The following NACC2 variants were observed in gnomAD, a reference collection of about 807,000 sequenced individuals.
NACC2 encodes nucleus accumbens-associated protein 2.
Under a neutral mutation model 25.1 loss-of-function variants are expected in NACC2, and 8 were observed. That is an observed-to-expected ratio of 0.32 (90% CI 0.19 to 0.57). The LOEUF (loss-of-function observed/expected upper bound fraction) is 0.57. Among genes scored for constraint, NACC2 ranks in the 20% least tolerant of loss-of-function variants. The pLI is 0.89. For synonymous variants in NACC2, 435 were observed against 294.7 expected, an observed-to-expected ratio of 1.48 and a Z score of -4.88; for missense variants, 644 against 650.2, an observed-to-expected ratio of 0.99 and a Z score of 0.10.
rs1840085281 is a variant in NACC2, at chr9:136,010,354, CT to C, written c.*1161del. On this transcript the variant is annotated 3_prime_UTR_variant, in exon 6 of 6. Transcript: ENST00000277554. This position sits in a 1 kb window ranked among gnomAD's most constrained non-coding sequence, Gnocchi z 4.9. ...AGCACCGGGAGGACCGACTCTCGCC[CT>C]GGCCCAGCCCTGGCCGCTGCCTCCT... is the stretch of plus-strand genomic sequence containing the variant. The C allele has an allele frequency of 6.5e-6, 1 of 153,430 alleles. No homozygotes were observed. Among genetic ancestry groups the C allele is most frequent in the South Asian group, 2.1e-4 (1 of 4,874 alleles). 9.5% of individuals were successfully genotyped at this position (153,430 alleles called of 1,614,324 possible).
At chr9:136,049,530 C>A (rs1018244939) in intron 2 of NACC2, 106 bp downstream of exon 2, 3 of 629,024 alleles carry the variant, frequency 4.8e-6, no homozygotes, top group Admixed American at 5.2e-5. Context: ...GGGGGCTCCC[C>A]TGTGGCCCCG....
At chr9:136,080,602 C>T (rs1157686377) in intron 1 of NACC2, among the ~76,000 whole-genome samples, 2 of 152,050 alleles carry the variant, frequency 1.3e-5, no homozygotes, top group East Asian at 1.9e-4. Context: ...AAAACTCCAA[C>T]GCTACTGCCA....
intron 1 of NACC2, among the ~76,000 whole-genome samples, chr9:136,051,140 G>A (rs1179934347): frequency 6.6e-6 from 1 of 152,134 alleles, no homozygotes. Context: ...GCGGGCCAGC[G>A]TCCCCTAGTC....
chr9:136,078,281 A>T (rs1460611537), intron 1 of NACC2, among the ~76,000 whole-genome samples: 1 of 152,140 alleles, frequency 6.6e-6, no homozygotes, highest in Non-Finnish European at 1.5e-5. Context: ...CCTGCAGGCC[A>T]GAAGACGCCA....
chr9:136,058,065 A>T (rs1840953358), intron 1 of NACC2, among the ~76,000 whole-genome samples: 1 of 152,084 alleles, frequency 6.6e-6, no homozygotes. Flanking sequence ...CTCTCATGTA[A>T]ATCAGAGCGA....
intron 2 of NACC2, among the ~76,000 whole-genome samples, chr9:136,021,376 G>T (rs751229260): frequency 1.2e-4 from 18 of 152,170 alleles, no homozygotes; most frequent in Non-Finnish European, 2.5e-4. Context: ...CCAAGTGCCG[G>T]CGAGGATGCG....
In NACC2 at chr9:136,016,356, T is replaced by C. The variant is rs752978966; in HGVS notation, c.960A>G (p.Leu320=). The part of the protein sequence containing the change: ...CVLIRRDLVA[L]PASLISQIGY... ...CGATCTGGCTGATGAGGCTGGCAGG[T>C]AGGGCCACGAGGTCGCGGCGGATGA... is the stretch of plus-strand genomic sequence containing the variant. The change falls in exon 3 of 6, where the codon CTA becomes CTG. Residue 320 remains leucine (L), a synonymous_variant. Coordinates refer to ENST00000277554, the MANE Select transcript of NACC2 (RefSeq NM_144653.5). 8.1e-6 allele frequency: 13 copies of C among 1,612,002 alleles called. No individual in the cohort carries two copies. In the South Asian group the frequency reaches 9.9e-5, roughly 12 times the overall value.
At chr9:136,030,105 C>T (rs997253737) in intron 2 of NACC2, among the ~76,000 whole-genome samples, 1 of 152,148 alleles carries the variant, frequency 6.6e-6, no homozygotes, top group Non-Finnish European at 1.5e-5. Context: ...GAACTCCTGA[C>T]CTCAAGTGAG....
At chr9:136,094,043 C>T (rs1830460905) in intron 1 of NACC2, among the ~76,000 whole-genome samples, 1 of 152,196 alleles carries the variant, frequency 6.6e-6, no homozygotes, top group Admixed American at 6.5e-5. Context: ...CGCTGGCGGG[C>T]GGGAACACCA....
rs774506728 is a variant in NACC2 at position 136,011,639 on chromosome 9, C to T, written c.1641G>A (p.Pro547=). Residue 547 remains proline (P), a synonymous_variant, in exon 6 of 6, where the codon CCG becomes CCA. Transcript: ENST00000277554. ...GGGGGCTCTGGCCATCGGCGGGCAG[C>T]GGCTCGGGGGCGGCCACCTCCTGGA... is the stretch of plus-strand genomic sequence containing the variant. ...SVIQEVAAPE[P]LPADGQSPPQ... 23 of 1,399,800 alleles carry T rather than the reference C, an allele frequency of 1.6e-5. No homozygotes were observed. The highest frequency in any genetic ancestry group is 6.1e-5 in the African/African-American group (4 of 65,648). 86.7% of individuals were successfully genotyped at this position (1,399,800 alleles called of 1,614,324 possible).
intron 1 of NACC2, among the ~76,000 whole-genome samples, chr9:136,068,088 T>C (rs1391985153): frequency 1.3e-5 from 2 of 152,212 alleles, no homozygotes; most frequent in Admixed American, 1.3e-4. Context: ...GGACTGGGCA[T>C]TGCTCTGGGT....
At position 136,013,158 on chromosome 9, in the gene NACC2, A is replaced by AC; in HGVS notation, c.1255+40_1255+41insG. ...CCTCCTCAGGCTGGGATCTGAACCC[A>AC]GCCCCGGCCCCACCCACCCGAGAGA... On this transcript the variant is annotated intron_variant, in intron 5 of 5. Transcript: ENST00000277554. This position sits in a 1 kb window ranked among gnomAD's most constrained non-coding sequence, Gnocchi z 6.6. The AC allele has an allele frequency of 5.5e-6, 4 of 725,480 alleles. No homozygotes were observed. Among genetic ancestry groups the AC allele is most frequent in the Admixed American group, 1.9e-5 (1 of 52,136 alleles). 44.9% of individuals were successfully genotyped at this position (725,480 alleles called of 1,614,324 possible). A position where few individuals can be genotyped will look rare whatever the true frequency, so the allele number is the denominator to read the frequency against.
chr9:136,083,935 G>T (rs1447594079), intron 1 of NACC2, among the ~76,000 whole-genome samples: 1 of 152,148 alleles, frequency 6.6e-6, no homozygotes, highest in Non-Finnish European at 1.5e-5. Flanking sequence ...GACAGATGCA[G>T]TCAAAGCTGA....
chr9:136,054,912 T>C (rs1333326930), intron 1 of NACC2, among the ~76,000 whole-genome samples: 1 of 152,004 alleles, frequency 6.6e-6, no homozygotes, highest in Non-Finnish European at 1.5e-5. Flanking sequence ...TTGGAGAACC[T>C]CTGCAGGTGA....
intron 1 of NACC2, among the ~76,000 whole-genome samples, chr9:136,053,736 G>A (rs1319891980): frequency 5.9e-5 from 9 of 152,240 alleles, no homozygotes; most frequent in Non-Finnish European, 1.3e-4. Flanking sequence ...CTTCTGTTGT[G>A]GGCAACTTCG....
chr9:136,017,397 A>G (rs1288863443), intron 2 of NACC2, among the ~76,000 whole-genome samples: 1 of 152,080 alleles, frequency 6.6e-6, no homozygotes, highest in Admixed American at 6.5e-5. Context: ...GAGACCCCTC[A>G]TCTGACGACC....
intron 1 of NACC2, among the ~76,000 whole-genome samples, chr9:136,053,660 C>T (rs1243279505): frequency 1.3e-5 from 2 of 152,200 alleles, no homozygotes; most frequent in African/African-American, 2.4e-5. Context: ...AGGGCAGAGG[C>T]CCCTAGACAG....
intron 5 of NACC2, among the ~76,000 whole-genome samples, chr9:136,012,250 CT>C (rs1840122615): frequency 6.6e-6 from 1 of 152,274 alleles, no homozygotes; most frequent in Non-Finnish European, 1.5e-5. Flanking sequence ...AGTCTCTGGC[CT>C]GGTCAGGCCC....
At chr9:136,094,489 C>T (rs1402332825) in intron 1 of NACC2, among the ~76,000 whole-genome samples, 2 of 151,952 alleles carry the variant, frequency 1.3e-5, no homozygotes, top group African/African-American at 4.8e-5. Context: ...GCGCGGCGGG[C>T]CCCGGGCTCC....
Sources: gnomAD v4.1 joint callset for allele counts (sites outside exome capture counted in the v4.1 genomes callset) on GRCh38, gnomAD v4.1.1 for gene constraint, Gnocchi (gnomAD v3.1) non-coding constraint, MANE v1.5 for transcripts, NCBI Gene and HGNC (gene_info 2026-07-23, HGNC 2026-07-21) for gene names.